SYNPR: variants seen among roughly 807,000 people sequenced by gnomAD.
SYNPR encodes synaptoporin.
In SYNPR, 23 loss-of-function variants were observed where a neutral mutation model predicts 32.9. That is an observed-to-expected ratio of 0.70 (90% confidence interval 0.50 to 0.99). SYNPR has a LOEUF of 0.99. Among genes scored for constraint, SYNPR ranks in the 50% least tolerant of loss-of-function variants. The pLI is 0.00. For synonymous variants in SYNPR, 146 were observed against 135.9 expected (o/e 1.07, Z -0.52); for missense variants, 318 against 349.3 (o/e 0.91, Z 0.71).
At chr3:63,482,772 T>C (rs573578119) in intron 3 of SYNPR, among the ~76,000 whole-genome samples, 1 of 152,312 alleles carries the variant, frequency 6.6e-6, no homozygotes, top group Non-Finnish European at 1.5e-5. Context: ...AGGGTTGCAA[T>C]TTCAATTTTA....
Position 63,468,327 on chromosome 3 carries a change from C to A in SYNPR, c.85-12505C>A, listed in dbSNP as rs562873671. On this transcript the variant is annotated intron_variant, in intron 2 of 5. Transcript: ENST00000478300. ...GTAGAATGTAGAAAGGTTTTTAAAT[C>A]TTTAGACACATTTATTTGCATGTTT... Among the ~76,000 whole-genome samples the A allele has an allele frequency of 4.6e-5, 7 of 151,926 alleles. No individual in the cohort carries two copies. The South Asian group carries it at 1.5e-3, about 32-fold the overall frequency.
At chr3:63,547,675 G>C (rs1226835733) in intron 3 of SYNPR, among the ~76,000 whole-genome samples, 1 of 152,110 alleles carries the variant, frequency 6.6e-6, no homozygotes, top group Non-Finnish European at 1.5e-5. Flanking sequence ...AAGGCCATTA[G>C]AAAAGCCCTC....
intron 2 of SYNPR, among the ~76,000 whole-genome samples, chr3:63,368,795 G>T (rs1287075973): frequency 6.6e-6 from 1 of 152,136 alleles, no homozygotes; most frequent in Non-Finnish European, 1.5e-5. Flanking sequence ...TTGGAAAGAG[G>T]TATTTTATTT....
At chr3:63,245,164 C>A (rs2086274708) in intron 1 of SYNPR, among the ~76,000 whole-genome samples, 1 of 151,940 alleles carries the variant, frequency 6.6e-6, no homozygotes, top group African/African-American at 2.4e-5. Context: ...AGAAAAGATG[C>A]CAGTGTCAAA....
At chr3:63,417,911 TG>T (rs1410135688) in intron 2 of SYNPR, among the ~76,000 whole-genome samples, 1 of 152,222 alleles carries the variant, frequency 6.6e-6, no homozygotes, top group Non-Finnish European at 1.5e-5. Context: ...GGGGCTGCTG[TG>T]AAGCCCTCTG....
chr3:63,521,667 T>A lies in SYNPR; in HGVS notation c.210-34876T>A, dbSNP rs140091830. Among the ~76,000 whole-genome samples, 178 of 152,318 alleles carry A rather than the reference T, an allele frequency of 1.2e-3. 3 individuals carry two copies. The East Asian group carries it at 0.031, about 27-fold the overall frequency. ...TGCAGCCAATACTCTGGAGGCAATA[T>A]GCAAAGTGGTTCAGGAAACCCACAT... On this transcript the variant is annotated intron_variant, in intron 3 of 5. Transcript: ENST00000478300.
chr3:63,403,655 C>T (rs1488450598), intron 2 of SYNPR, among the ~76,000 whole-genome samples: 1 of 152,088 alleles, frequency 6.6e-6, no homozygotes, highest in Non-Finnish European at 1.5e-5. Context: ...AGGTTCTAGC[C>T]TCAGGGCCTA....
intron 2 of SYNPR, among the ~76,000 whole-genome samples, chr3:63,258,331 C>T (rs1290990131): frequency 2.0e-5 from 3 of 152,194 alleles, no homozygotes; most frequent in African/African-American, 7.2e-5. Flanking sequence ...GTAAAGCACT[C>T]CTCAGCAAAT....
chr3:63,601,615 T>G (rs891547016), intron 4 of SYNPR, among the ~76,000 whole-genome samples: 20 of 152,214 alleles, frequency 1.3e-4, no homozygotes, highest in Non-Finnish European at 2.9e-4. Context: ...TTTCTGTTCC[T>G]GTGTTAGTTT....
In SYNPR at chr3:63,260,302, G is replaced by A. The variant is rs542621751; in HGVS notation, n.155-7015G>A. 1.1e-3 allele frequency among the ~76,000 whole-genome samples: 170 copies of A among 152,178 alleles called. 1 individual carries two copies. The highest frequency in any genetic ancestry group is 6.8e-3 in the Middle Eastern group (2 of 294). ...AAAAGAACAAAGCTGGAGGCATCAC[G>A]CTACCTGACATCAAACTATACTACA... On this transcript the variant is annotated intron_variant and non_coding_transcript_variant, in intron 2 of 4. Transcript: ENST00000478456.
chr3:63,424,509 A>G (rs1217252578), intron 2 of SYNPR, among the ~76,000 whole-genome samples: 6 of 152,238 alleles, frequency 3.9e-5, no homozygotes, highest in Non-Finnish European at 7.3e-5. Flanking sequence ...AGCATTTAGC[A>G]CATAGTAAAG....
intron 2 of SYNPR, among the ~76,000 whole-genome samples, chr3:63,266,707 C>CAAAAAAAAAA (rs10644651): frequency 1.7e-5 from 2 of 120,368 alleles, no homozygotes. Flanking sequence ...AACTCCGTCT[C>CAAAAAAAAAA]AAAAAAAAAA....
At chr3:63,554,363 A>G (rs1702558943) in intron 3 of SYNPR, among the ~76,000 whole-genome samples, 1 of 152,134 alleles carries the variant, frequency 6.6e-6, no homozygotes, top group South Asian at 2.1e-4. Context: ...TATATCTGTA[A>G]TCCGTCTTGA....
At chr3:63,283,509 GC>G (rs2086649748) in intron 2 of SYNPR, among the ~76,000 whole-genome samples, 1 of 151,880 alleles carries the variant, frequency 6.6e-6, no homozygotes, top group African/African-American at 2.4e-5. Flanking sequence ...AATAGGTCCA[GC>G]AAATCTTTTA....
intron 3 of SYNPR, among the ~76,000 whole-genome samples, chr3:63,538,497 G>A (rs62250766): frequency 2.6e-5 from 4 of 151,942 alleles, no homozygotes; most frequent in East Asian, 3.9e-4. Context: ...CACCTTTGCC[G>A]TGATCTCATA....
At chr3:63,234,057 AG>A (rs2086183557) in intron 1 of SYNPR, among the ~76,000 whole-genome samples, 5 of 152,200 alleles carry the variant, frequency 3.3e-5, no homozygotes, top group African/African-American at 1.2e-4. Context: ...CTGCTGATAA[AG>A]GCATACCTGA....
intron 4 of SYNPR, among the ~76,000 whole-genome samples, chr3:63,585,415 C>A (rs1427178772): frequency 6.6e-6 from 1 of 151,170 alleles, no homozygotes; most frequent in African/African-American, 2.4e-5. Flanking sequence ...AAGGCAATGG[C>A]ATTTCAGTCA....
intron 2 of SYNPR, among the ~76,000 whole-genome samples, chr3:63,283,810 CTTTTTTTTTTTTTT>C (rs142282438): frequency 1.1e-5 from 1 of 87,138 alleles, no homozygotes; most frequent in Admixed American, 1.5e-4. Context: ...AGATAATTAC[CTTTTTTTTTTTTTT>C]TTTTTTTTTT....
chr3:63,322,695 A>G (rs17068224), intron 2 of SYNPR, among the ~76,000 whole-genome samples: 2,112 of 152,194 alleles, frequency 0.014, 46 homozygotes, highest in African/African-American at 0.047. Flanking sequence ...CTTGTTCACA[A>G]TCATTCGACC....
Sources: gnomAD v4.1 joint callset for allele counts (sites outside exome capture counted in the v4.1 genomes callset) on GRCh38, gnomAD v4.1.1 for gene constraint, MANE v1.5 for transcripts, NCBI Gene and HGNC (gene_info 2026-07-23, HGNC 2026-07-21) for gene names.